The following CSMD1 variants were observed in gnomAD, a reference collection of about 807,000 sequenced individuals.
The protein encoded by CSMD1 is CUB and Sushi multiple domains 1, also known as CUB and sushi domain-containing protein 1.
In CSMD1, 213 loss-of-function variants were observed where a neutral mutation model predicts 417.5. The observed-to-expected ratio is 0.51, with a 90% CI of 0.46 to 0.57. The LOEUF is 0.57. CSMD1 is among the 20% of genes least tolerant of loss of function. The pLI is 0.00. For synonymous variants in CSMD1, 2,862 were observed against 1,736.8 expected (o/e 1.65, Z -16.11); for missense variants, 6,923 against 4,529.7 (o/e 1.53, Z -15.17).
intron 10 of CSMD1, among the ~76,000 whole-genome samples, chr8:3,522,424 C>G (rs186874450): frequency 2.2e-4 from 33 of 152,114 alleles, no homozygotes; most frequent in Middle Eastern, 3.4e-3. Flanking sequence ...TTGTATCTAC[C>G]AGCAGCTTCG....
chr8:3,252,228 T>C (rs1800327091), intron 26 of CSMD1, among the ~76,000 whole-genome samples: 1 of 152,190 alleles, frequency 6.6e-6, no homozygotes, highest in South Asian at 2.1e-4. Context: ...TATTTTGAAA[T>C]ACGTCCCATC....
At chr8:4,130,125 C>T (rs1019159218) in intron 3 of CSMD1, among the ~76,000 whole-genome samples, 1 of 152,100 alleles carries the variant, frequency 6.6e-6, no homozygotes, top group Non-Finnish European at 1.5e-5. Flanking sequence ...GAGTCACTGT[C>T]AGTAAATCAA....
chr8:4,288,458 C>G (rs1202583104), intron 3 of CSMD1, among the ~76,000 whole-genome samples: 1 of 152,198 alleles, frequency 6.6e-6, no homozygotes, highest in Non-Finnish European at 1.5e-5. Flanking sequence ...AGCCATTTCT[C>G]CTGTACTGCT....
chr8:3,974,114 C>T (rs1413566933), intron 5 of CSMD1, among the ~76,000 whole-genome samples: 5 of 151,980 alleles, frequency 3.3e-5, no homozygotes, highest in Admixed American at 3.3e-4. Flanking sequence ...ACTTTTTGTA[C>T]CCACATAATA....
At chr8:3,651,977 C>A (rs1335142752) in intron 7 of CSMD1, among the ~76,000 whole-genome samples, 1 of 148,588 alleles carries the variant, frequency 6.7e-6, no homozygotes, top group African/African-American at 2.5e-5. Context: ...CACCAGAGCG[C>A]CTACCAACAT....
chr8:4,142,209 T>C (rs1322715709), intron 3 of CSMD1, among the ~76,000 whole-genome samples: 1 of 151,250 alleles, frequency 6.6e-6, no homozygotes, highest in Non-Finnish European at 1.5e-5. Flanking sequence ...AAACATTTTT[T>C]ATATTTAGCC....
At chr8:4,881,344 A>G (rs756106337) in intron 1 of CSMD1, among the ~76,000 whole-genome samples, 26 of 152,024 alleles carry the variant, frequency 1.7e-4, no homozygotes, top group Non-Finnish European at 1.6e-4. Context: ...CTAATATACT[A>G]TGGTTACACA....
intron 52 of CSMD1, among the ~76,000 whole-genome samples, chr8:3,016,709 T>A (rs1473990093): frequency 6.6e-6 from 1 of 152,226 alleles, no homozygotes; most frequent in African/African-American, 2.4e-5. Flanking sequence ...GTATCCAATA[T>A]CTACAACACA....
chr8:3,311,627 AC>A (rs1253906566), intron 23 of CSMD1, among the ~76,000 whole-genome samples: 7 of 152,190 alleles, frequency 4.6e-5, no homozygotes, highest in African/African-American at 1.7e-4. Flanking sequence ...GAAATGAAAA[AC>A]AGATGGTTGC....
intron 1 of CSMD1, among the ~76,000 whole-genome samples, chr8:4,888,743 A>G (rs1803915347): frequency 6.6e-6 from 1 of 152,086 alleles, no homozygotes; most frequent in African/African-American, 2.4e-5. Context: ...AGCCTGGGAT[A>G]TGTGTTAGGG....
chr8:3,183,746 G>C (rs1470095265), intron 36 of CSMD1, among the ~76,000 whole-genome samples: 1 of 152,290 alleles, frequency 6.6e-6, no homozygotes. Context: ...CACATTCAAA[G>C]CTTCCTCTTT....
chr8:4,814,307 A>G (rs942931077), intron 1 of CSMD1, among the ~76,000 whole-genome samples: 1 of 152,148 alleles, frequency 6.6e-6, no homozygotes, highest in African/African-American at 2.4e-5. Context: ...GCGCAATGGC[A>G]CAAACTCAGT....
chr8:4,289,757 C>T (rs1281253215), intron 3 of CSMD1, among the ~76,000 whole-genome samples: 1 of 152,148 alleles, frequency 6.6e-6, no homozygotes, highest in Non-Finnish European at 1.5e-5. Flanking sequence ...TAAAACATCT[C>T]CACCGTACTG....
intron 2 of CSMD1, among the ~76,000 whole-genome samples, chr8:4,616,225 C>A (rs147785717): frequency 1.3e-5 from 2 of 152,076 alleles, no homozygotes; most frequent in Non-Finnish European, 2.9e-5. Flanking sequence ...TACTTAGGAG[C>A]ACTTTGAGAA....
chr8:4,664,673 A>G (rs2130929478), intron 1 of CSMD1, among the ~76,000 whole-genome samples: 1 of 152,314 alleles, frequency 6.6e-6, no homozygotes, highest in East Asian at 1.9e-4. Context: ...TATTATTATA[A>G]CAGGTTGGGA....
chr8:3,531,636 G>T (rs1269425727), intron 10 of CSMD1, among the ~76,000 whole-genome samples: 1 of 152,158 alleles, frequency 6.6e-6, no homozygotes, highest in Non-Finnish European at 1.5e-5. Flanking sequence ...GTTAGCATAG[G>T]TGCAATACAG....
chr8:4,677,800 G>A (rs2130966528), intron 1 of CSMD1, among the ~76,000 whole-genome samples: 1 of 152,228 alleles, frequency 6.6e-6, no homozygotes, highest in African/African-American at 2.4e-5. Flanking sequence ...ATGTAAAAAT[G>A]ACAAAAGAAG....
intron 1 of CSMD1, among the ~76,000 whole-genome samples, chr8:4,709,194 G>C (rs763023192): frequency 3.9e-5 from 6 of 152,186 alleles, no homozygotes; most frequent in Non-Finnish European, 8.8e-5. Flanking sequence ...TCACAATCGA[G>C]AGAGAGGAAT....
At chr8:3,408,539 C>T (rs1320985473) in intron 13 of CSMD1, among the ~76,000 whole-genome samples, 3 of 151,012 alleles carry the variant, frequency 2.0e-5, no homozygotes, top group Non-Finnish European at 4.4e-5. Flanking sequence ...AATTTTCTGC[C>T]TTCAGAAGAG....
Sources: gnomAD v4.1 joint callset for allele counts (sites outside exome capture counted in the v4.1 genomes callset) on GRCh38, gnomAD v4.1.1 for gene constraint, MANE v1.5 for transcripts, NCBI Gene and HGNC (gene_info 2026-07-23, HGNC 2026-07-21) for gene names.